The following ADGRB3 variants were observed in gnomAD, a reference collection of about 807,000 sequenced individuals.
The protein encoded by ADGRB3 is adhesion G protein-coupled receptor B3.
A neutral mutation model predicts 193.4 loss-of-function variants in ADGRB3; 37 were observed. The observed-to-expected ratio is 0.19, with a 90% CI of 0.15 to 0.25. The LOEUF is 0.25. ADGRB3 is among the 10% of genes least tolerant of loss of function. The pLI, the probability that ADGRB3 is intolerant of heterozygous loss-of-function variation, is 1.00. For missense variants in ADGRB3, 1,637 were observed against 1,852.9 expected, an observed-to-expected ratio of 0.88 and a Z score of 2.14; for synonymous variants, 690 against 644.2, an observed-to-expected ratio of 1.07 and a Z score of -1.08.
At chr6:68,946,821 C>A (rs141663738) in intron 6 of ADGRB3, among the ~76,000 whole-genome samples, 1 of 152,134 alleles carries the variant, frequency 6.6e-6, no homozygotes, top group African/African-American at 2.4e-5. Context: ...TGCATGAAAC[C>A]ACTCTAGCGA....
intron 3 of ADGRB3, among the ~76,000 whole-genome samples, chr6:68,703,452 T>C (rs1295821279): frequency 6.6e-6 from 1 of 152,100 alleles, no homozygotes; most frequent in Non-Finnish European, 1.5e-5. Context: ...TATATATATG[T>C]TTCTATAATT....
chr6:69,102,781 G>T (rs1773101938), intron 17 of ADGRB3, among the ~76,000 whole-genome samples: 2 of 152,136 alleles, frequency 1.3e-5, no homozygotes, highest in African/African-American at 2.4e-5. Context: ...AGATACAACT[G>T]ACCTCTTTGA....
intron 3 of ADGRB3, among the ~76,000 whole-genome samples, chr6:68,926,892 A>T (rs1767197440): frequency 6.6e-6 from 1 of 152,102 alleles, no homozygotes; most frequent in Non-Finnish European, 1.5e-5. Context: ...ATATTCCTGG[A>T]TGGGGGAAGA....
At position 69,358,911 on chromosome 6, in the gene ADGRB3, A is replaced by G. The variant is rs1025471821; in HGVS notation, c.3596-1958A>G. Among the ~76,000 whole-genome samples the G allele has an allele frequency of 2.0e-5, 3 of 151,596 alleles. No homozygotes were observed. In the Admixed American group the frequency reaches 2.0e-4, roughly 10 times the overall value. ...TGCAAAAGAAGAATTATCTTTCTTT[A>G]CACACACACGTATATATATATATAT... is the stretch of plus-strand genomic sequence containing the variant. On this transcript the variant is annotated intron_variant, in intron 28 of 31. Transcript: ENST00000370598.
intron 17 of ADGRB3, among the ~76,000 whole-genome samples, chr6:69,159,409 T>A (rs866608017): frequency 2.6e-5 from 4 of 152,092 alleles, no homozygotes. Flanking sequence ...ATTGATTATA[T>A]TTATTAATTA....
chr6:69,031,550 T>TTTCTTTC lies in ADGRB3; in HGVS notation c.2107+13053_2107+13054insCTTTCTT. On this transcript the variant is annotated intron_variant, in intron 13 of 31. Transcript: ENST00000370598. ...CTTTCTTTCTTTCTTTCTTTCTTTC[T>TTTCTTTC]TTTTCTTTCTTTCTTTTCTTCCTCT... is the stretch of plus-strand genomic sequence containing the variant. Among the ~76,000 whole-genome samples the TTTCTTTC allele has an allele frequency of 1.2e-3, 86 of 70,064 alleles. 14 individuals are homozygous for TTTCTTTC. The highest frequency in any genetic ancestry group is 3.4e-3 in the East Asian group (9 of 2,642). The allele number at this position is 70,064 out of a possible 152,430, so 46.0% of individuals were successfully genotyped here.
intron 17 of ADGRB3, among the ~76,000 whole-genome samples, chr6:69,142,760 T>C (rs1052375783): frequency 1.3e-5 from 2 of 152,214 alleles, no homozygotes; most frequent in African/African-American, 4.8e-5. Flanking sequence ...TTTCTCAATG[T>C]GAATGTCTCC....
chr6:68,763,626 G>A (rs75080970), intron 3 of ADGRB3, among the ~76,000 whole-genome samples: 4,525 of 152,212 alleles, frequency 0.03, 122 homozygotes, highest in African/African-American at 0.063. Flanking sequence ...AAGTGATGGC[G>A]GGTATTTCTA....
At chr6:69,074,058 A>G (rs373647548) in intron 16 of ADGRB3, among the ~76,000 whole-genome samples, 1 of 152,288 alleles carries the variant, frequency 6.6e-6, no homozygotes, top group African/African-American at 2.4e-5. Context: ...ATTTATGACT[A>G]AATTTCCATC....
At chr6:69,261,349 A>T (rs1766923908) in intron 20 of ADGRB3, among the ~76,000 whole-genome samples, 2 of 152,152 alleles carry the variant, frequency 1.3e-5, no homozygotes, top group African/African-American at 4.8e-5. Context: ...AAACTTCAAG[A>T]TACTTCTTTA....
chr6:69,042,042 C>T (rs949205572), intron 13 of ADGRB3, among the ~76,000 whole-genome samples: 7 of 152,066 alleles, frequency 4.6e-5, no homozygotes, highest in African/African-American at 1.4e-4. Flanking sequence ...CCATCTTGTT[C>T]TCGTGATAAT....
intron 3 of ADGRB3, among the ~76,000 whole-genome samples, chr6:68,799,289 TA>T (rs1215062396): frequency 6.6e-6 from 1 of 152,140 alleles, no homozygotes; most frequent in Non-Finnish European, 1.5e-5. Context: ...CACTAAAAGT[TA>T]TTGGCTCATT....
chr6:69,112,974 T>C (rs1240181286), intron 17 of ADGRB3, among the ~76,000 whole-genome samples: 2 of 152,152 alleles, frequency 1.3e-5, no homozygotes, highest in Admixed American at 1.3e-4. Flanking sequence ...GCCAGACTGG[T>C]CTAGAACTCC....
intron 29 of ADGRB3, among the ~76,000 whole-genome samples, chr6:69,370,533 TAA>T (rs1769685701): frequency 6.6e-6 from 1 of 152,140 alleles, no homozygotes; most frequent in Non-Finnish European, 1.5e-5. Context: ...TTAATTTTAA[TAA>T]AATTAAATAG....
intron 3 of ADGRB3, among the ~76,000 whole-genome samples, chr6:68,766,817 C>A (rs1341069473): frequency 1.3e-5 from 2 of 151,694 alleles, no homozygotes; most frequent in Non-Finnish European, 2.9e-5. Flanking sequence ...ATTTATGCTG[C>A]AAATATATAG....
chr6:69,049,383 A>T (rs760350706), intron 15 of ADGRB3, 37 bp downstream of exon 15: 7 of 1,446,128 alleles, frequency 4.8e-6, no homozygotes, highest in Non-Finnish European at 6.7e-6. Flanking sequence ...TAATTTTGTA[A>T]ATTATTCCAA....
intron 13 of ADGRB3, among the ~76,000 whole-genome samples, chr6:69,020,001 A>C (rs890015707): frequency 4.6e-5 from 7 of 152,034 alleles, no homozygotes; most frequent in African/African-American, 1.7e-4. Context: ...GGCACGTGGA[A>C]GGAATCTAGC....
intron 20 of ADGRB3, among the ~76,000 whole-genome samples, chr6:69,279,103 A>C (rs959844807): frequency 1.0e-4 from 14 of 134,776 alleles, no homozygotes; most frequent in Non-Finnish European, 1.8e-4. Flanking sequence ...ATATATATAT[A>C]TATATATATA....
intron 17 of ADGRB3, among the ~76,000 whole-genome samples, chr6:69,100,168 ATGTG>A (rs1772991447): frequency 6.6e-6 from 1 of 152,152 alleles, no homozygotes. Flanking sequence ...ATATTTCTGT[ATGTG>A]TTTCTTGTTT....
Sources: allele counts gnomAD v4.1 joint callset (sites outside exome capture counted in the v4.1 genomes callset), GRCh38; gene constraint gnomAD v4.1.1; transcripts MANE v1.5; gene names NCBI Gene and HGNC (gene_info 2026-07-23, HGNC 2026-07-21).